The following UGT2B15 variants were observed in gnomAD, a reference collection of about 807,000 sequenced individuals.
The protein encoded by UGT2B15 is UDP glucuronosyltransferase family 2 member B15, also known as UDP-glucuronosyltransferase 2B15.
Under a neutral mutation model 45.9 loss-of-function variants are expected in UGT2B15, and 36 were observed. The ratio of observed to expected loss-of-function variants is 0.78; its 90% confidence interval spans 0.60 to 1.04. The LOEUF is 1.04. UGT2B15 is among the 50% of genes least tolerant of loss of function. The pLI is 0.00. For synonymous variants in UGT2B15, 219 were observed against 216.4 expected (o/e 1.01, Z -0.11); for missense variants, 617 against 622.4 (o/e 0.99, Z 0.09).
At chr4:68,648,798 T>C (rs1379122263) in intron 5 of UGT2B15, among the ~76,000 whole-genome samples, 3 of 152,096 alleles carry the variant, frequency 2.0e-5, no homozygotes, top group African/African-American at 7.2e-5. Context: ...GTTTATATAA[T>C]TGAATTAAAT....
At chr4:68,658,023 C>G (rs1732861347) in intron 3 of UGT2B15, among the ~76,000 whole-genome samples, 1 of 151,964 alleles carries the variant, frequency 6.6e-6, no homozygotes, top group Non-Finnish European at 1.5e-5. Context: ...TTAATTTTCA[C>G]TTGGTTTCTT....
In UGT2B15 at chr4:68,646,811, ACATGTGC is replaced by A; in HGVS notation, c.*286_*292del. 3.0e-6 allele frequency: 1 copy of A among 335,758 alleles called. No individual in the cohort carries two copies. The highest frequency in any genetic ancestry group is 5.6e-5 in the East Asian group (1 of 17,754). 20.8% of individuals were successfully genotyped at this position (335,758 alleles called of 1,614,324 possible). On this transcript the variant is annotated 3_prime_UTR_variant, in exon 6 of 6. Transcript: ENST00000338206. ...ACGTGCAGGTTAGCTACATATGTAT[ACATGTGC>A]CATGTTGGCGTGCTGCATCCAGTAA...
Position 68,670,090 on chromosome 4 carries a change from C to A in UGT2B15, c.529G>T (p.Val177Phe), listed in dbSNP as rs371117287. 6.2e-6 allele frequency: 10 copies of A among 1,614,068 alleles called. No homozygotes were observed. The highest frequency in any genetic ancestry group is 1.1e-5 in the South Asian group (1 of 91,080). ...IPFLYSLRFS[V>F]GYTFEKNGGG... The stretch of plus-strand genomic sequence containing the variant: ...CCATTCTTCTCAAATGTGTAGCCAA[C>A]AGAGAATCGAAGACTGTACAGAAAG... The change falls in exon 1 of 6, where the codon GTT becomes TTT. Residue 177 changes from valine to phenylalanine, a missense_variant. Around this residue, in one of 3 missense-constraint regions of UGT2B15, gnomAD observed 351 missense variants for 342.1 expected, o/e 1.03. Coordinates refer to ENST00000338206, the MANE Select transcript of UGT2B15 (RefSeq NM_001076.4).
chr4:68,666,090 T>A (rs1416973361), intron 2 of UGT2B15, among the ~76,000 whole-genome samples: 1 of 152,168 alleles, frequency 6.6e-6, no homozygotes, highest in African/African-American at 2.4e-5. Flanking sequence ...CCCCTGCTAC[T>A]GGCACTATCA....
chr4:68,650,298 A>C (rs1732612958), intron 5 of UGT2B15, among the ~76,000 whole-genome samples: 1 of 151,678 alleles, frequency 6.6e-6, no homozygotes, highest in African/African-American at 2.4e-5. Context: ...ATTTGTCCTG[A>C]TACTCTCACT....
Position 68,654,804 on chromosome 4 carries a change from G to C in UGT2B15, c.1093+291C>G, listed in dbSNP as rs559420815. 2.1e-4 allele frequency among the ~76,000 whole-genome samples: 32 copies of C among 152,060 alleles called. 1 individual carries two copies. Among genetic ancestry groups the C allele is most frequent in the African/African-American group, 5.3e-4 (22 of 41,442 alleles). On this transcript the variant is annotated intron_variant, in intron 4 of 5. Coordinates refer to ENST00000338206, the MANE Select transcript of UGT2B15 (RefSeq NM_001076.4). Reference sequence around the variant, plus strand: ...AACAGAGGTAAAGCTGCATAAATAGGAGACAGACAGAAAATCCAGGATGTT... The same window carrying C: ...AACAGAGGTAAAGCTGCATAAATAGCAGACAGACAGAAAATCCAGGATGTT...
chr4:68,663,405 T>C (rs980323451), intron 2 of UGT2B15, among the ~76,000 whole-genome samples: 2 of 152,052 alleles, frequency 1.3e-5, no homozygotes, highest in Non-Finnish European at 2.9e-5. Context: ...GACACTGCAG[T>C]AGGAGGAGAT....
At chr4:68,660,401 A>G (rs950780573) in intron 3 of UGT2B15, among the ~76,000 whole-genome samples, 1 of 151,978 alleles carries the variant, frequency 6.6e-6, no homozygotes, top group Non-Finnish European at 1.5e-5. Flanking sequence ...ATTTGATGGT[A>G]GAAATCTATG....
chr4:68,670,559 A>G lies in UGT2B15; in HGVS notation c.60T>C (p.Ser20=). The G allele has an allele frequency of 6.2e-7, 1 of 1,605,980 alleles. No homozygotes were observed. The highest frequency in any genetic ancestry group is 8.5e-7 in the Non-Finnish European group (1 of 1,178,320). The change falls in exon 1 of 6, where the codon TCT becomes TCC. Residue 20 remains serine, a synonymous_variant. Coordinates refer to ENST00000338206, the MANE Select transcript of UGT2B15 (RefSeq NM_001076.4). ...LLIQLSCYFS[S]GSCGKVLVWP... ...ACACTAGCACCTTTCCACAGCTTCC[A>G]GAGCTAAAGTAACAACTGAGCTGTA...
intron 3 of UGT2B15, among the ~76,000 whole-genome samples, chr4:68,661,388 G>C (rs185764427): frequency 4.0e-4 from 61 of 152,026 alleles, no homozygotes; most frequent in African/African-American, 1.5e-3. Flanking sequence ...GGGTTCACAA[G>C]ATTATCAATG....
chr4:68,654,992 G>GT, intron 4 of UGT2B15, 103 bp downstream of exon 4: 1 of 1,400,022 alleles, frequency 7.1e-7, no homozygotes, highest in Middle Eastern at 2.5e-4. Context: ...TTGTTTTTTA[G>GT]TTTTCCAATA....
Position 68,653,654 on chromosome 4 carries a change from GATA to G in UGT2B15, c.1313+380_1313+382del, listed in dbSNP as rs536405708. Among the ~76,000 whole-genome samples the G allele has an allele frequency of 2.5e-3, 387 of 151,898 alleles. 1 individual carries two copies. The highest frequency in any genetic ancestry group is 9.0e-3 in the African/African-American group (375 of 41,450). Reference sequence around the variant, plus strand: ...TCATTATCACATTTCTTAAAATAATGATAATAAAAATAAATTTTTGAGAAAGAA... The same window carrying G: ...TCATTATCACATTTCTTAAAATAATGATAAAAATAAATTTTTGAGAAAGAA... On this transcript the variant is annotated intron_variant, in intron 5 of 5. Coordinates refer to ENST00000338206, the MANE Select transcript of UGT2B15 (RefSeq NM_001076.4).
chr4:68,660,330 C>G lies in UGT2B15; in HGVS notation c.1005+2678G>C, dbSNP rs1356222633. ...CAAAGAATGTAACTTTCTGACAGGC[C>G]CAGGAGCCCCAAGTTTATTTTGGAA... On this transcript the variant is annotated intron_variant, in intron 3 of 5. Coordinates refer to ENST00000338206, the MANE Select transcript of UGT2B15 (RefSeq NM_001076.4). 2.7e-5 allele frequency among the ~76,000 whole-genome samples: 4 copies of G among 150,724 alleles called. No individual in the cohort carries two copies. The South Asian group carries it at 6.3e-4, about 24-fold the overall frequency.
At chr4:68,666,731 T>TAC (rs1733131188) in intron 2 of UGT2B15, among the ~76,000 whole-genome samples, 1 of 116,454 alleles carries the variant, frequency 8.6e-6, no homozygotes, top group East Asian at 2.8e-4. Flanking sequence ...TATATCAAAT[T>TAC]ACATATATAT....
chr4:68,666,453 G>C (rs1309539054), intron 2 of UGT2B15, among the ~76,000 whole-genome samples: 1 of 152,044 alleles, frequency 6.6e-6, no homozygotes, highest in Non-Finnish European at 1.5e-5. Context: ...CACTGGCTGT[G>C]TGTCAGAGAC....
chr4:68,652,741 A>G (rs1476137900), intron 5 of UGT2B15, among the ~76,000 whole-genome samples: 3 of 151,768 alleles, frequency 2.0e-5, no homozygotes, highest in Non-Finnish European at 2.9e-5. Flanking sequence ...CTATCTGTCC[A>G]TAGTGGAAGA....
At chr4:68,660,536 G>C (rs1399438664) in intron 3 of UGT2B15, among the ~76,000 whole-genome samples, 1 of 151,412 alleles carries the variant, frequency 6.6e-6, no homozygotes, top group Non-Finnish European at 1.5e-5. Context: ...CAATAATCAG[G>C]CCAAGTATAA....
chr4:68,651,015 A>G (rs1176180210), intron 5 of UGT2B15, among the ~76,000 whole-genome samples: 1 of 66,884 alleles, frequency 1.5e-5, no homozygotes, highest in Non-Finnish European at 3.5e-5. Flanking sequence ...TTTTTTTTGT[A>G]AATTTGTTTA....
Position 68,647,343 on chromosome 4 carries a change from C to A in UGT2B15, c.1354G>T (p.Asp452Tyr). The change falls in exon 6 of 6, where the codon GAC (aspartate) becomes TAC (tyrosine). Residue 452 changes from aspartate (D) to tyrosine (Y), a missense_variant. Asp to Tyr is a radical substitution (Grantham distance 160). Around this residue, in one of 3 missense-constraint regions of UGT2B15, gnomAD observed 265 missense variants for 245.1 expected, o/e 1.08. Coordinates refer to ENST00000338206, the MANE Select transcript of UGT2B15 (RefSeq NM_001076.4). ...NVMKLSRIHH[D>Y]QPMKPLDRAV... ...CGATCCAGGGGCTTCATTGGTTGGT[C>A]ATGATGAATTCTTGATAATTTCATG... 1.9e-6 allele frequency: 3 copies of A among 1,613,600 alleles called. No individual in the cohort carries two copies. Among genetic ancestry groups the A allele is most frequent in the Non-Finnish European group, 2.5e-6 (3 of 1,179,688 alleles).
Sources: gnomAD v4.1 joint callset for allele counts (sites outside exome capture counted in the v4.1 genomes callset) on GRCh38, gnomAD v4.1.1 for gene constraint, gnomAD v4.1.1 regional missense constraint, MANE v1.5 for transcripts, NCBI Gene and HGNC (gene_info 2026-07-23, HGNC 2026-07-21) for gene names.